Variants in PACRG observed in about 807,000 individuals in gnomAD.
PACRG encodes the protein parkin coregulated.
Under a neutral mutation model 29.7 loss-of-function variants are expected in PACRG, and 29 were observed. The observed-to-expected ratio is 0.98, with a 90% CI of 0.73 to 1.33. PACRG has a LOEUF of 1.33. PACRG is among the 40% of genes most tolerant of loss of function. The pLI, the probability that PACRG is intolerant of heterozygous loss-of-function variation, is 0.00. For synonymous variants in PACRG, 116 were observed against 118.7 expected (o/e 0.98, Z 0.15); for missense variants, 279 against 316.2 (o/e 0.88, Z 0.89).
In PACRG at chr6:163,120,970, A is replaced by G. The variant is rs187283950; in HGVS notation, c.613+31562A>G. On this transcript the variant is annotated intron_variant, in intron 4 of 4. Coordinates refer to ENST00000366888, the MANE Select transcript of PACRG (RefSeq NM_001080379.2). Reference sequence around the variant, plus strand: ...CTGACCATGAGACTTTAAGAGCAAAATGTTGCTTAAAGAAAAAAATGGGAG... The same window carrying G: ...CTGACCATGAGACTTTAAGAGCAAAGTGTTGCTTAAAGAAAAAAATGGGAG... 9.7e-4 allele frequency among the ~76,000 whole-genome samples: 148 copies of G among 152,326 alleles called. 1 individual carries two copies. The highest frequency in any genetic ancestry group is 3.5e-3 in the African/African-American group (146 of 41,572).
At chr6:163,154,584 G>A (rs185450924) in intron 4 of PACRG, among the ~76,000 whole-genome samples, 1 of 152,316 alleles carries the variant, frequency 6.6e-6, no homozygotes, top group Admixed American at 6.5e-5. Context: ...TCTGTGCCTA[G>A]ATGTTGCTCT....
chr6:162,935,241 G>A (rs1248155683), intron 2 of PACRG, among the ~76,000 whole-genome samples: 1 of 152,038 alleles, frequency 6.6e-6, no homozygotes, highest in East Asian at 1.9e-4. Flanking sequence ...TCTAGACTTG[G>A]GAAATTTTCA....
At chr6:163,267,851 C>T (rs7753173) in intron 4 of PACRG, among the ~76,000 whole-genome samples, 99,684 of 152,066 alleles carry the variant, frequency 0.66, 32,687 homozygotes, top group Middle Eastern at 0.7. Flanking sequence ...ATGGCTCACT[C>T]TCTGATGTTT....
intron 4 of PACRG, among the ~76,000 whole-genome samples, chr6:163,174,099 G>T (rs2128348983): frequency 6.6e-6 from 1 of 152,242 alleles, no homozygotes; most frequent in Admixed American, 6.5e-5. Flanking sequence ...TTTTTATGTA[G>T]AATATCCTTT....
At chr6:163,257,090 G>C (rs1485758229) in intron 4 of PACRG, among the ~76,000 whole-genome samples, 1 of 152,042 alleles carries the variant, frequency 6.6e-6, no homozygotes, top group Non-Finnish European at 1.5e-5. Context: ...ATTGGATTTA[G>C]AGCCCATTCT....
chr6:162,948,283 A>T (rs1486208655), intron 2 of PACRG, among the ~76,000 whole-genome samples: 1 of 152,140 alleles, frequency 6.6e-6, no homozygotes, highest in East Asian at 1.9e-4. Flanking sequence ...TGCCAACAAC[A>T]TACATAGGGG....
intron 2 of PACRG, among the ~76,000 whole-genome samples, chr6:162,981,908 T>A (rs796382822): frequency 0.043 from 6,442 of 148,654 alleles, 355 homozygotes; most frequent in African/African-American, 0.13. Context: ...GTCCTGGATT[T>A]TTTTTTTTTT....
chr6:162,932,930 T>G (rs1797958122), intron 2 of PACRG, among the ~76,000 whole-genome samples: 1 of 152,008 alleles, frequency 6.6e-6, no homozygotes, highest in Non-Finnish European at 1.5e-5. Flanking sequence ...TTCTTGCTTT[T>G]CTAATTCTCT....
chr6:162,847,028 C>T (rs918250765), intron 2 of PACRG, among the ~76,000 whole-genome samples: 5 of 147,554 alleles, frequency 3.4e-5, no homozygotes, highest in Middle Eastern at 3.7e-3. Context: ...CCCACACTGC[C>T]GTGCTCCTCA....
At chr6:162,774,978 G>T (rs1293871161) in intron 1 of PACRG, among the ~76,000 whole-genome samples, 1 of 152,106 alleles carries the variant, frequency 6.6e-6, no homozygotes, top group Non-Finnish European at 1.5e-5. Flanking sequence ...TTTACCCAAC[G>T]ATGGCCTCAG....
At chr6:163,209,658 A>T (rs1389888705) in intron 4 of PACRG, among the ~76,000 whole-genome samples, 2 of 152,208 alleles carry the variant, frequency 1.3e-5, no homozygotes, top group Non-Finnish European at 2.9e-5. Context: ...CTTTTTCATA[A>T]TGCATGAAAT....
At chr6:163,085,169 A>G (rs578054208) in intron 3 of PACRG, among the ~76,000 whole-genome samples, 3 of 152,226 alleles carry the variant, frequency 2.0e-5, no homozygotes, top group East Asian at 1.9e-4. Flanking sequence ...AACAAAACCT[A>G]TGAAATGGAG....
intron 4 of PACRG, among the ~76,000 whole-genome samples, chr6:163,111,828 G>T (rs1011822743): frequency 6.6e-6 from 1 of 152,148 alleles, no homozygotes; most frequent in African/African-American, 2.4e-5. Flanking sequence ...GCAAGCTTGG[G>T]TGTATCTTGG....
intron 4 of PACRG, among the ~76,000 whole-genome samples, chr6:163,223,511 A>G (rs1487671371): frequency 6.6e-6 from 1 of 152,232 alleles, no homozygotes; most frequent in African/African-American, 2.4e-5. Context: ...TCCACACACA[A>G]TGGGAAAGCA....
At chr6:162,791,686 C>G (rs1050611353) in intron 1 of PACRG, among the ~76,000 whole-genome samples, 4 of 152,130 alleles carry the variant, frequency 2.6e-5, no homozygotes, top group African/African-American at 9.7e-5. Flanking sequence ...TGCTTCATAT[C>G]TAGATTATTT....
chr6:163,014,647 A>G (rs917615705), intron 2 of PACRG, among the ~76,000 whole-genome samples: 2 of 151,914 alleles, frequency 1.3e-5, no homozygotes, highest in Non-Finnish European at 2.9e-5. Flanking sequence ...CTGCTTGTGT[A>G]TCTTCTTTTG....
Position 162,838,429 on chromosome 6 carries a change from T to C in PACRG, c.291+24148T>C, listed in dbSNP as rs1171373648. On this transcript the variant is annotated intron_variant, in intron 2 of 4. Coordinates refer to ENST00000366888, the MANE Select transcript of PACRG (RefSeq NM_001080379.2). ...AGACTAGAGGTTCCATTCTTCACTT[T>C]CATCTACTTTTTGTTGATCGGAAAT... Among the ~76,000 whole-genome samples, 3 of 152,144 alleles carry C rather than the reference T, an allele frequency of 2.0e-5. No individual in the cohort carries two copies. In the East Asian group the frequency reaches 5.8e-4, roughly 29 times the overall value.
At chr6:163,018,634 T>A (rs1483559577) in intron 2 of PACRG, among the ~76,000 whole-genome samples, 1 of 152,178 alleles carries the variant, frequency 6.6e-6, no homozygotes, top group Admixed American at 6.5e-5. Context: ...CGCCCAGATT[T>A]TATTTTTATT....
intron 2 of PACRG, among the ~76,000 whole-genome samples, chr6:162,913,892 C>G (rs567682719): frequency 1.3e-5 from 2 of 152,152 alleles, no homozygotes; most frequent in African/African-American, 4.8e-5. Context: ...TGTGAAGTGT[C>G]TGCTCAAATA....
Sources: gnomAD v4.1 joint callset for allele counts (sites outside exome capture counted in the v4.1 genomes callset) on GRCh38, gnomAD v4.1.1 for gene constraint, MANE v1.5 for transcripts, NCBI Gene and HGNC (gene_info 2026-07-23, HGNC 2026-07-21) for gene names.